MTMR1: variants seen among roughly 807,000 people sequenced by gnomAD.
MTMR1 encodes the protein myotubularin related protein 1.
In MTMR1, 17 loss-of-function variants were observed where a neutral mutation model predicts 51.6. The observed-to-expected ratio is 0.33, with a 90% CI of 0.23 to 0.49. The LOEUF (loss-of-function observed/expected upper bound fraction) is 0.49, where lower values mean the gene tolerates loss of function less well. Among genes scored for constraint, MTMR1 ranks in the 20% least tolerant of loss-of-function variants. The pLI is 0.99. For synonymous variants in MTMR1, 201 were observed against 205.6 expected, an observed-to-expected ratio of 0.98 and a Z score of 0.19; for missense variants, 386 against 526.9, an observed-to-expected ratio of 0.73 and a Z score of 2.62.
intron 11 of MTMR1, 108 bp from the exon 12 acceptor site, chrX:150,737,134 G>C: frequency 1.5e-6 from 1 of 681,648 alleles, no homozygotes; most frequent in Non-Finnish European, 2.2e-6. Context: ...ATTCTTGCTT[G>C]GTTTATTGAC....
Position 150,719,769 on chromosome X carries a change from G to A in MTMR1, c.352+1069G>A, listed in dbSNP as rs558157. ...AGAAAAGATTAGAGCTCATGTAGGT[G>A]ATTGACAACTTTGCACATCAGATAC... On this transcript the variant is annotated intron_variant, in intron 4 of 15. Transcript: ENST00000445323. Among the ~76,000 whole-genome samples the A allele has an allele frequency of 5.2e-3, 579 of 112,262 alleles. 8 individuals are homozygous for A. Among genetic ancestry groups the A allele is most frequent in the African/African-American group, 0.018 (560 of 30,865 alleles).
At chrX:150,747,398 T>C (rs1569565745) in intron 13 of MTMR1, among the ~76,000 whole-genome samples, 3 of 111,163 alleles carry the variant, frequency 2.7e-5, no homozygotes, top group Non-Finnish European at 3.8e-5. Flanking sequence ...AAGGTTACAG[T>C]GAACTATGAT....
chrX:150,746,259 G>C (rs2042572608), intron 13 of MTMR1, among the ~76,000 whole-genome samples: 1 of 111,767 alleles, frequency 8.9e-6, no homozygotes, highest in African/African-American at 3.3e-5. Flanking sequence ...AAACTGATTG[G>C]GGTCTCACAT....
rs918778076 is a variant in MTMR1, at chrX:150,698,674, G to A, written c.147-521G>A. ...AAACATGGCAAAACCCTGTCTACAC[G>A]CGCGCGCACACACACACACACACAC... On this transcript the variant is annotated intron_variant, in intron 1 of 15. Transcript: ENST00000445323. 1.4e-3 allele frequency among the ~76,000 whole-genome samples: 86 copies of A among 61,220 alleles called. 1 individual carries two copies. The highest frequency in any genetic ancestry group is 7.3e-3 in the South Asian group (6 of 822). 53.2% of individuals were successfully genotyped at this position (61,220 alleles called of 115,157 possible).
chrX:150,759,085 C>G (rs1177054060), intron 15 of MTMR1, among the ~76,000 whole-genome samples: 1 of 112,687 alleles, frequency 8.9e-6, no homozygotes, highest in Non-Finnish European at 1.9e-5. Flanking sequence ...TGCCCTGTCA[C>G]TGGAGTCCAG....
intron 10 of MTMR1, among the ~76,000 whole-genome samples, 182 bp downstream of exon 10, chrX:150,732,912 G>A: frequency 8.9e-6 from 1 of 111,816 alleles, no homozygotes; most frequent in East Asian, 2.8e-4. Context: ...ACATGGGTTG[G>A]GATCTTGTCT....
In MTMR1 at chrX:150,731,603, C is replaced by T. The variant is rs377156950; in HGVS notation, c.875C>T (p.Ala292Val). ...DDLSKVAAFR[A>V]KGRVPVLSWI... The stretch of plus-strand genomic sequence containing the variant: ...CTTTCAAAAGTGGCAGCTTTTCGAG[C>T]AAAAGGCAGAGTCCCTGTAAGTAAT... Residue 292 changes from alanine to valine, a missense_variant, in exon 9 of 16, where the codon GCA becomes GTA. Ala to Val is a moderately conservative substitution (Grantham distance 64). Coordinates refer to ENST00000445323, the MANE Select transcript of MTMR1 (RefSeq NM_001306144.3). 1.2e-5 allele frequency: 15 copies of T among 1,200,461 alleles called. No individual in the cohort carries two copies. Among genetic ancestry groups the T allele is most frequent in the Non-Finnish European group, 1.6e-5 (14 of 890,122 alleles).
In MTMR1 at chrX:150,764,690, C is replaced by T. The variant is rs888357883; in HGVS notation, c.*1961C>T. 3 of 111,841 alleles carry T rather than the reference C, an allele frequency of 2.7e-5. No individual in the cohort carries two copies. Among genetic ancestry groups the T allele is most frequent in the Non-Finnish European group, 3.8e-5 (2 of 53,176 alleles). 9.2% of individuals were successfully genotyped at this position (111,841 alleles called of 1,213,427 possible). A position where few individuals can be genotyped will look rare whatever the true frequency, so the allele number is the denominator to read the frequency against. ...CAGGACCCTAGAGGAGACTCTCATT[C>T]GATTTTAAAGAAGCACAACGGGTCA... On this transcript the variant is annotated 3_prime_UTR_variant, in exon 16 of 16. Transcript: ENST00000445323.
In MTMR1 at chrX:150,763,017, G is replaced by A. The variant is rs968799394; in HGVS notation, c.*288G>A. ...GTACTGAGGTTCAAGAAAGCTGTAC[G>A]CCATTTCTTTCCAACTTAAATCCTT... On this transcript the variant is annotated 3_prime_UTR_variant, in exon 16 of 16. Transcript: ENST00000445323. 8 of 238,529 alleles carry A rather than the reference G, an allele frequency of 3.4e-5. No homozygotes were observed. The highest frequency in any genetic ancestry group is 1.2e-3 in the Middle Eastern group (1 of 863). The allele number at this position is 238,529 out of a possible 1,213,427, so 19.7% of individuals were successfully genotyped here. A position where few individuals can be genotyped will look rare whatever the true frequency, so the allele number is the denominator to read the frequency against.
chrX:150,757,680 G>A (rs1267445564), intron 15 of MTMR1, among the ~76,000 whole-genome samples: 2 of 111,923 alleles, frequency 1.8e-5, no homozygotes, highest in African/African-American at 6.5e-5. Context: ...GTCTTCACAT[G>A]TATGAAAACA....
intron 1 of MTMR1, among the ~76,000 whole-genome samples, chrX:150,695,595 A>C (rs181104696): frequency 8.9e-6 from 1 of 112,289 alleles, no homozygotes; most frequent in East Asian, 2.8e-4. Flanking sequence ...TGTGTTGCTG[A>C]GATGGAGAAG....
intron 4 of MTMR1, among the ~76,000 whole-genome samples, chrX:150,724,304 C>T (rs1348619318): frequency 1.8e-5 from 2 of 109,738 alleles, no homozygotes; most frequent in Non-Finnish European, 3.8e-5. Flanking sequence ...GATGGTATCT[C>T]ATTGTGGTTT....
At position 150,759,925 on chromosome X, in the gene MTMR1, G is replaced by C. The variant is rs1251838535; in HGVS notation, c.1858-2640G>C. 2.7e-5 allele frequency among the ~76,000 whole-genome samples: 3 copies of C among 109,478 alleles called. No individual in the cohort carries two copies. The Admixed American group carries it at 2.9e-4, about 11-fold the overall frequency. ...CTGCCCAGTGCGTGTAGTTGTGGAA[G>C]GATGCCCCCGACAGGGCCAGATCCC... is the stretch of plus-strand genomic sequence containing the variant. On this transcript the variant is annotated intron_variant, in intron 15 of 15. Coordinates refer to ENST00000445323, the MANE Select transcript of MTMR1 (RefSeq NM_001306144.3).
intron 14 of MTMR1, among the ~76,000 whole-genome samples, chrX:150,752,621 C>CTTG (rs1958282236): frequency 1.5e-5 from 1 of 65,370 alleles, no homozygotes; most frequent in Admixed American, 2.0e-4. Flanking sequence ...ATGGCTTTAT[C>CTTG]TTGTTTTTTT....
Position 150,752,624 on chromosome X carries a change from GTT to G in MTMR1, c.1680+1804_1680+1805del, listed in dbSNP as rs782406235. Among the ~76,000 whole-genome samples the G allele has an allele frequency of 7.3e-3, 417 of 57,350 alleles. 3 individuals are homozygous for G. The highest frequency in any genetic ancestry group is 0.01 in the African/African-American group (139 of 13,896). The allele number at this position is 57,350 out of a possible 115,157, so 49.8% of individuals were successfully genotyped here. ...AGAATTTTAACCATGGCTTTATCTT[GTT>G]TTTTTTTTTTTTTTTTTTTTTTGAG... On this transcript the variant is annotated intron_variant, in intron 14 of 15. Transcript: ENST00000445323.
At chrX:150,719,262 C>G (rs2041667057) in intron 4 of MTMR1, among the ~76,000 whole-genome samples, 1 of 111,295 alleles carries the variant, frequency 9.0e-6, no homozygotes. Context: ...TGGATGCGAT[C>G]CGTTCATCTC....
chrX:150,699,361 G>A (rs2040821878), intron 2 of MTMR1, 61 bp downstream of exon 2: 6 of 838,242 alleles, frequency 7.2e-6, no homozygotes, highest in Non-Finnish European at 1.0e-5. Flanking sequence ...AAGCTTTGCA[G>A]TTTTAATTCA....
intron 2 of MTMR1, among the ~76,000 whole-genome samples, chrX:150,704,243 G>A (rs187279377): frequency 1.2e-4 from 13 of 111,127 alleles, no homozygotes; most frequent in African/African-American, 2.9e-4. Context: ...GCCAACAGGC[G>A]CAGATAAGAA....
chrX:150,751,846 G>A (rs1410386765), intron 14 of MTMR1, among the ~76,000 whole-genome samples: 2 of 107,472 alleles, frequency 1.9e-5, no homozygotes, highest in Non-Finnish European at 3.8e-5. Context: ...CCTCACCCTA[G>A]CTACCACATC....
Sources: gnomAD v4.1 joint callset for allele counts (sites outside exome capture counted in the v4.1 genomes callset) on GRCh38, gnomAD v4.1.1 for gene constraint, MANE v1.5 for transcripts, NCBI Gene and HGNC (gene_info 2026-07-23, HGNC 2026-07-21) for gene names.